XKR7: variants seen among roughly 807,000 people sequenced by gnomAD.
The protein encoded by XKR7 is XK-related protein 7.
Under a neutral mutation model 42.2 loss-of-function variants are expected in XKR7, and 11 were observed. The observed-to-expected ratio is 0.26, with a 90% confidence interval of 0.16 to 0.43. XKR7 has a LOEUF of 0.43. Among genes scored for constraint, XKR7 ranks in the 20% least tolerant of loss-of-function variants. XKR7 has a pLI of 1.00. For synonymous variants in XKR7, 346 were observed against 366.4 expected (o/e 0.94, Z 0.64); for missense variants, 710 against 802.2 (o/e 0.89, Z 1.39).
At chr20:31,971,971 A>G (rs1160842479) in intron 1 of XKR7, among the ~76,000 whole-genome samples, 4 of 152,204 alleles carry the variant, frequency 2.6e-5, no homozygotes, top group Admixed American at 1.3e-4. Context: ...CCAAAATTTA[A>G]CTACTAATTA....
chr20:31,985,737 CACAG>C (rs1410501667), intron 1 of XKR7, among the ~76,000 whole-genome samples: 33 of 142,062 alleles, frequency 2.3e-4, no homozygotes, highest in East Asian at 8.5e-4. Flanking sequence ...GCATCCAAGA[CACAG>C]ACAGACAGGC....
chr20:31,983,107 C>T (rs1291459282), intron 1 of XKR7, among the ~76,000 whole-genome samples: 1 of 152,192 alleles, frequency 6.6e-6, no homozygotes, highest in South Asian at 2.1e-4. Flanking sequence ...GCCACTTTTA[C>T]TTAAGAAGTT....
chr20:31,994,453 T>C (rs1027134011), intron 1 of XKR7, among the ~76,000 whole-genome samples: 6 of 152,126 alleles, frequency 3.9e-5, no homozygotes, highest in African/African-American at 1.4e-4. Flanking sequence ...TGGCTCATGC[T>C]TGTATTCCTA....
intron 1 of XKR7, among the ~76,000 whole-genome samples, chr20:31,971,982 A>C (rs773030571): frequency 2.2e-4 from 34 of 152,220 alleles, no homozygotes; most frequent in Non-Finnish European, 3.4e-4. Context: ...CTACTAATTA[A>C]AATGTTTAAA....
In XKR7 at chr20:31,968,901, A is replaced by G; in HGVS notation, c.584+142A>G. 1.5e-6 allele frequency: 2 copies of G among 1,337,864 alleles called. No individual in the cohort carries two copies. The highest frequency in any genetic ancestry group is 2.0e-6 in the Non-Finnish European group (2 of 1,019,210). 82.9% of individuals were successfully genotyped at this position (1,337,864 alleles called of 1,614,324 possible). A position where few individuals can be genotyped will look rare whatever the true frequency, so the allele number is the denominator to read the frequency against. Reference sequence around the variant, plus strand: ...CCCTCCCCACCCCATTGCAGCTCTAATTTCTTCTCAGTCGGCTTCTCCCTG... The same window carrying G: ...CCCTCCCCACCCCATTGCAGCTCTAGTTTCTTCTCAGTCGGCTTCTCCCTG... On this transcript the variant is annotated intron_variant, in intron 1 of 2. Coordinates refer to ENST00000562532, the MANE Select transcript of XKR7 (RefSeq NM_001011718.2). The surrounding 1 kb of genome is among the most constrained non-coding windows in gnomAD (Gnocchi z 4.5).
intron 1 of XKR7, among the ~76,000 whole-genome samples, chr20:31,981,540 A>C (rs1182377488): frequency 6.6e-6 from 1 of 152,128 alleles, no homozygotes; most frequent in African/African-American, 2.4e-5. Context: ...AAAAATACAA[A>C]AATTAGCCAG....
chr20:31,989,402 C>T (rs972865438), intron 1 of XKR7, among the ~76,000 whole-genome samples: 2 of 151,976 alleles, frequency 1.3e-5, no homozygotes, highest in Non-Finnish European at 2.9e-5. Context: ...GGGTTTTATT[C>T]CAAGTGTGAT....
intron 1 of XKR7, among the ~76,000 whole-genome samples, chr20:31,978,103 T>A (rs903490845): frequency 2.0e-5 from 3 of 151,646 alleles, no homozygotes; most frequent in African/African-American, 4.9e-5. Context: ...TCCTACTTTT[T>A]TTTTTTATTT....
In XKR7 at chr20:31,996,678, G is replaced by A; in HGVS notation, c.961G>A (p.Ala321Thr). ...AARGLAFALF[A>T]SVYKLYFGIF... ...CCGCGGCCTGGCCTTCGCGCTCTTCGCCAGCGTCTACAAGCTCTATTTTGG... is the reference window on the plus strand; with the variant it reads ...CCGCGGCCTGGCCTTCGCGCTCTTCACCAGCGTCTACAAGCTCTATTTTGG... The change falls in exon 3 of 3, where the codon GCC (alanine) becomes ACC (threonine). Residue 321 changes from alanine (A) to threonine (T), a missense_variant. Physicochemically the swap from Ala to Thr is moderately conservative, Grantham distance 58. Transcript: ENST00000562532. 3.1e-6 allele frequency: 5 copies of A among 1,605,582 alleles called. No individual in the cohort carries two copies. In the South Asian group the frequency reaches 3.3e-5, roughly 11 times the overall value.
chr20:31,992,505 C>T (rs762558647), intron 1 of XKR7, among the ~76,000 whole-genome samples: 1 of 152,144 alleles, frequency 6.6e-6, no homozygotes, highest in African/African-American at 2.4e-5. Flanking sequence ...TCCTGGGCAG[C>T]GTGTGAGCAG....
In XKR7 at chr20:31,997,605, G is replaced by C. The variant is rs924555397; in HGVS notation, c.*148G>C. On this transcript the variant is annotated 3_prime_UTR_variant, in exon 3 of 3. Transcript: ENST00000562532. ...TGGCCCCACTCTTGGGTTCTTTCAGGGGAGGGGGCAGCCTTGCGGAGGCCC... is the reference window on the plus strand; with the variant it reads ...TGGCCCCACTCTTGGGTTCTTTCAGCGGAGGGGGCAGCCTTGCGGAGGCCC... 1 of 780,000 alleles carries C rather than the reference G, an allele frequency of 1.3e-6. No individual in the cohort carries two copies. The highest frequency in any genetic ancestry group is 1.8e-5 in the African/African-American group (1 of 57,116). The allele number at this position is 780,000 out of a possible 1,614,324, so 48.3% of individuals were successfully genotyped here.
In XKR7 at chr20:31,998,081, T is replaced by C. The variant is rs1317482399; in HGVS notation, c.*624T>C. 2 of 31,068 alleles carry C rather than the reference T, an allele frequency of 6.4e-5. No individual in the cohort carries two copies. Among genetic ancestry groups the C allele is most frequent in the Admixed American group, 7.7e-4 (2 of 2,592 alleles). The allele number at this position is 31,068 out of a possible 1,614,324, so 1.9% of individuals were successfully genotyped here. ...GCTGGAGATGGATAGGAGAAAGAAC[T>C]GGGGGGGGGGTCTAGGCTGGCAGAA... On this transcript the variant is annotated 3_prime_UTR_variant, in exon 3 of 3. Transcript: ENST00000562532.
At chr20:31,973,760 G>A (rs1046913502) in intron 1 of XKR7, among the ~76,000 whole-genome samples, 3 of 152,204 alleles carry the variant, frequency 2.0e-5, no homozygotes, top group Non-Finnish European at 4.4e-5. Context: ...CAGGGGCGAG[G>A]TCATGCAGGG....
intron 1 of XKR7, among the ~76,000 whole-genome samples, chr20:31,982,387 T>A (rs1389847550): frequency 1.3e-5 from 2 of 151,970 alleles, no homozygotes. Context: ...TGGGGTGTGG[T>A]GGCGCATGCC....
chr20:31,969,111 A>G (rs974001399), intron 1 of XKR7, among the ~76,000 whole-genome samples: 3 of 152,210 alleles, frequency 2.0e-5, no homozygotes, highest in Non-Finnish European at 4.4e-5. Context: ...CTATTCTGCC[A>G]TAACCCACTC....
At position 31,968,174 on chromosome 20, in the gene XKR7, A is replaced by C; in HGVS notation, c.-2A>C. ...TCGCTCCCCGCCTCCCTCTCCGCCA[A>C]CATGGCCGCGAAGTCGGATGGAGCG... On this transcript the variant is annotated 5_prime_UTR_variant, in exon 1 of 3. Coordinates refer to ENST00000562532, the MANE Select transcript of XKR7 (RefSeq NM_001011718.2). The surrounding 1 kb of genome is among the most constrained non-coding windows in gnomAD (Gnocchi z 4.5). 1 of 1,172,280 alleles carries C rather than the reference A, an allele frequency of 8.5e-7. No individual in the cohort carries two copies. Among genetic ancestry groups the C allele is most frequent in the Non-Finnish European group, 1.1e-6 (1 of 949,030 alleles). 72.6% of individuals were successfully genotyped at this position (1,172,280 alleles called of 1,614,324 possible).
intron 1 of XKR7, among the ~76,000 whole-genome samples, chr20:31,986,416 T>A (rs1239348466): frequency 1.1e-4 from 9 of 80,424 alleles, no homozygotes; most frequent in Admixed American, 3.2e-4. Context: ...AGATCCAGCA[T>A]CCAAGGCACA....
At chr20:31,996,193 C>T (rs990963160) in intron 2 of XKR7, among the ~76,000 whole-genome samples, 2 of 151,992 alleles carry the variant, frequency 1.3e-5, no homozygotes, top group Non-Finnish European at 2.9e-5. Context: ...ATTTCCCACC[C>T]TCCCACCAAG....
chr20:31,987,526 C>G (rs111712727), intron 1 of XKR7, among the ~76,000 whole-genome samples: 5,312 of 150,744 alleles, frequency 0.035, 126 homozygotes, highest in Non-Finnish European at 0.048. Flanking sequence ...ACAGACAGAC[C>G]ACCAAACAGA....
Sources: gnomAD v4.1 joint callset for allele counts (sites outside exome capture counted in the v4.1 genomes callset) on GRCh38, gnomAD v4.1.1 for gene constraint, Gnocchi (gnomAD v3.1) non-coding constraint, MANE v1.5 for transcripts, NCBI Gene and HGNC (gene_info 2026-07-23, HGNC 2026-07-21) for gene names.